The following CRACDL variants were observed in gnomAD, a reference collection of about 807,000 sequenced individuals.
CRACDL encodes CRACD like.
CRACDL carries 26 observed loss-of-function variants against 70.6 expected under a neutral mutation model. The ratio of observed to expected loss-of-function variants is 0.37; its 90% CI spans 0.27 to 0.51. CRACDL has a LOEUF of 0.51. Among genes scored for constraint, CRACDL ranks in the 20% least tolerant of loss-of-function variants. The probability of loss-of-function intolerance (pLI) is 0.94; values close to 1 mark genes in which losing one functional copy is unlikely to be tolerated. For missense variants in CRACDL, 1,283 were observed against 1,376.9 expected (o/e 0.93, Z 1.08); for synonymous variants, 618 against 615.2 (o/e 1.00, Z -0.07).
chr2:98,901,624 C>T (rs1005217835), intron 1 of CRACDL, among the ~76,000 whole-genome samples: 27 of 152,230 alleles, frequency 1.8e-4, no homozygotes, highest in African/African-American at 6.5e-4. Context: ...TGCAGTTCTC[C>T]AGAAATCCTA....
At chr2:98,834,634 A>T (rs1188079481) in intron 3 of CRACDL, among the ~76,000 whole-genome samples, 1 of 152,252 alleles carries the variant, frequency 6.6e-6, no homozygotes, top group Non-Finnish European at 1.5e-5. Flanking sequence ...AGATGAGGAG[A>T]CATAGTGCAA....
At chr2:98,882,508 A>G (rs1218757372) in intron 1 of CRACDL, among the ~76,000 whole-genome samples, 1 of 152,218 alleles carries the variant, frequency 6.6e-6, no homozygotes, top group Non-Finnish European at 1.5e-5. Context: ...ATGAGAGTCT[A>G]TGAAGGAAGG....
intron 1 of CRACDL, among the ~76,000 whole-genome samples, chr2:98,919,617 G>A (rs957401610): frequency 6.6e-6 from 1 of 152,148 alleles, no homozygotes; most frequent in Non-Finnish European, 1.5e-5. Flanking sequence ...GGTTTGATAT[G>A]AGCAAGGGGC....
At chr2:98,927,388 T>G (rs1205083452) in intron 1 of CRACDL, among the ~76,000 whole-genome samples, 6 of 152,180 alleles carry the variant, frequency 3.9e-5, no homozygotes, top group African/African-American at 1.4e-4. Context: ...CTGTGGGTCC[T>G]GAATTCCCTG....
At position 98,920,808 on chromosome 2, in the gene CRACDL, T is replaced by C. The variant is rs541026366; in HGVS notation, c.-11+15130A>G. ...ATCACCCACGTGTCTGTGTCCCCTG[T>C]CAAGTGTGAAAGCACACCCCACCAT... On this transcript the variant is annotated intron_variant, in intron 1 of 9. Transcript: ENST00000397899. Among the ~76,000 whole-genome samples the C allele has an allele frequency of 3.3e-5, 5 of 152,258 alleles. No homozygotes were observed. In the South Asian group the frequency reaches 1.0e-3, roughly 32 times the overall value.
intron 1 of CRACDL, among the ~76,000 whole-genome samples, chr2:98,896,050 TTACA>T (rs1708115419): frequency 6.6e-6 from 1 of 152,070 alleles, no homozygotes; most frequent in African/African-American, 2.4e-5. Context: ...CAGAAGTTTG[TTACA>T]CCAACTCAAA....
chr2:98,875,130 C>T (rs980321195), intron 1 of CRACDL, among the ~76,000 whole-genome samples: 5 of 152,344 alleles, frequency 3.3e-5, no homozygotes, highest in East Asian at 1.9e-4. Flanking sequence ...CCCAAAGTGC[C>T]GTCACTCTGT....
At chr2:98,894,395 T>C (rs1159346313) in intron 1 of CRACDL, among the ~76,000 whole-genome samples, 1 of 151,462 alleles carries the variant, frequency 6.6e-6, no homozygotes, top group Non-Finnish European at 1.5e-5. Flanking sequence ...AAAAGCAGCA[T>C]GAACCTGAGA....
In CRACDL at chr2:98,815,916, G is replaced by A. The variant is rs577803051; in HGVS notation, c.2416+5941C>T. On this transcript the variant is annotated intron_variant, in intron 7 of 9. Transcript: ENST00000397899. ...GTTGTTGGCATTTGCCTGGCATAGG[G>A]ATGAGAGAATAGAAAGAACTCCATC... Among the ~76,000 whole-genome samples the A allele has an allele frequency of 3.3e-5, 5 of 152,352 alleles. No individual in the cohort carries two copies. In the East Asian group the frequency reaches 9.6e-4, roughly 29 times the overall value.
At chr2:98,891,105 G>A (rs972126835) in intron 1 of CRACDL, among the ~76,000 whole-genome samples, 3 of 151,818 alleles carry the variant, frequency 2.0e-5, no homozygotes, top group Admixed American at 6.6e-5. Context: ...TGGGCTGGAC[G>A]CAGTGGCTCA....
intron 1 of CRACDL, among the ~76,000 whole-genome samples, chr2:98,873,380 C>T (rs1007382212): frequency 3.3e-5 from 5 of 152,236 alleles, no homozygotes; most frequent in African/African-American, 9.6e-5. Flanking sequence ...CAAGTCAGCA[C>T]GGGTGCCTAG....
At chr2:98,850,179 T>A (rs1037880013) in intron 1 of CRACDL, among the ~76,000 whole-genome samples, 6 of 152,212 alleles carry the variant, frequency 3.9e-5, no homozygotes, top group African/African-American at 7.2e-5. Context: ...CTGACCCCTG[T>A]GCTTCCTGAT....
intron 1 of CRACDL, among the ~76,000 whole-genome samples, chr2:98,906,862 T>A (rs1355445277): frequency 6.6e-6 from 1 of 152,172 alleles, no homozygotes; most frequent in Non-Finnish European, 1.5e-5. Flanking sequence ...ACAAGGCTTG[T>A]TTTTAGGTTT....
At chr2:98,928,537 C>T (rs1257650248) in intron 1 of CRACDL, among the ~76,000 whole-genome samples, 1 of 152,082 alleles carries the variant, frequency 6.6e-6, no homozygotes, top group African/African-American at 2.4e-5. Context: ...TGCTGGCTGG[C>T]CTGGCCATGT....
intron 1 of CRACDL, among the ~76,000 whole-genome samples, chr2:98,901,173 C>T (rs1708270349): frequency 6.6e-6 from 1 of 152,134 alleles, no homozygotes; most frequent in African/African-American, 2.4e-5. Flanking sequence ...TGGGCTCATC[C>T]CTCTTTGCAG....
intron 3 of CRACDL, among the ~76,000 whole-genome samples, chr2:98,836,010 G>T (rs777069734): frequency 1.3e-5 from 2 of 152,154 alleles, no homozygotes; most frequent in Admixed American, 6.5e-5. Flanking sequence ...TGATGTACCG[G>T]GAATTGGGAG....
intron 7 of CRACDL, among the ~76,000 whole-genome samples, chr2:98,805,310 G>A (rs1041314506): frequency 6.6e-6 from 1 of 152,126 alleles, no homozygotes; most frequent in African/African-American, 2.4e-5. Flanking sequence ...CCCCCCCTAA[G>A]ACAGGAGTCA....
At chr2:98,804,629 G>A (rs1008484191) in intron 7 of CRACDL, among the ~76,000 whole-genome samples, 13 of 152,194 alleles carry the variant, frequency 8.5e-5, no homozygotes, top group African/African-American at 2.9e-4. Flanking sequence ...GAGTGCTGAT[G>A]TGCTGTCTAA....
At chr2:98,879,598 G>A (rs1411144644) in intron 1 of CRACDL, among the ~76,000 whole-genome samples, 1 of 152,148 alleles carries the variant, frequency 6.6e-6, no homozygotes, top group Non-Finnish European at 1.5e-5. Context: ...GCCTAGGCTG[G>A]AGTGCAGTGG....
Sources: gnomAD v4.1 joint callset for allele counts (sites outside exome capture counted in the v4.1 genomes callset) on GRCh38, gnomAD v4.1.1 for gene constraint, MANE v1.5 for transcripts, NCBI Gene and HGNC (gene_info 2026-07-23, HGNC 2026-07-21) for gene names.